Variants in KLF5 observed in about 807,000 individuals in gnomAD.
KLF5 encodes the protein Krueppel-like factor 5.
KLF5 carries 9 observed loss-of-function variants against 36.9 expected under a neutral mutation model. The observed-to-expected ratio is 0.24, with a 90% CI of 0.15 to 0.43. The LOEUF (loss-of-function observed/expected upper bound fraction) is 0.43. Ranked by LOEUF, KLF5 falls within the 20% of genes least tolerant of loss-of-function variation. The pLI, the probability that KLF5 is intolerant of heterozygous loss-of-function variation, is 1.00. For missense variants in KLF5, 524 were observed against 599.5 expected (o/e 0.87, Z 1.31); for synonymous variants, 246 against 241.7 (o/e 1.02, Z -0.17).
At position 73,075,209 on chromosome 13, in the gene KLF5, G is replaced by A. The variant is rs149377673; in HGVS notation, c.1196-499G>A. 4.0e-3 allele frequency: 606 copies of A among 152,408 alleles called. 4 individuals carry two copies. Among genetic ancestry groups the A allele is most frequent in the Middle Eastern group, 0.014 (4 of 294 alleles). The allele number at this position is 152,408 out of a possible 1,614,324, so 9.4% of individuals were successfully genotyped here. On this transcript the variant is annotated intron_variant, in intron 3 of 3. Transcript: ENST00000377687. Reference sequence around the variant, plus strand: ...TCTAGGACCAGTTTCTGGTTAAGCAGTTGTGGTACATGAAATTCAATGTAT... The same window carrying A: ...TCTAGGACCAGTTTCTGGTTAAGCAATTGTGGTACATGAAATTCAATGTAT...
chr13:73,058,771 G>A (rs1023265252), upstream of KLF5: 1 of 152,424 alleles, frequency 6.6e-6, no homozygotes, highest in Non-Finnish European at 1.5e-5. Flanking sequence ...CAATCTGTCA[G>A]AGAAGTTGTG....
upstream of KLF5, among the ~76,000 whole-genome samples, chr13:73,057,072 T>G (rs1180259744): frequency 1.3e-5 from 2 of 151,986 alleles, no homozygotes; most frequent in African/African-American, 4.8e-5. Flanking sequence ...CCACTGAAGC[T>G]CTCGTAAAAA....
Position 73,062,100 on chromosome 13 carries a change from C to T in KLF5, c.501C>T (p.Ala167=). The T allele has an allele frequency of 1.2e-6, 2 of 1,613,974 alleles. No homozygotes were observed. Among genetic ancestry groups the T allele is most frequent in the African/African-American group, 1.3e-5 (1 of 75,016 alleles). ...CVTHIKTEPV[A]IFSHQSETTA... ...CACACATCAAGACAGAACCTGTTGC[C>T]ATTTTCAGCCACCAGAGTGAAACGA... Residue 167 remains alanine, a synonymous_variant, in exon 2 of 4, where the codon GCC becomes GCT. Coordinates refer to ENST00000377687, the MANE Select transcript of KLF5 (RefSeq NM_001730.5).
At chr13:73,064,624 A>G (rs961915759) in intron 3 of KLF5, among the ~76,000 whole-genome samples, 1 of 152,070 alleles carries the variant, frequency 6.6e-6, no homozygotes, top group Non-Finnish European at 1.5e-5. Flanking sequence ...GTTCACTGCA[A>G]CCTCTGCCTC....
intron 3 of KLF5, among the ~76,000 whole-genome samples, chr13:73,072,233 A>T (rs906060405): frequency 2.6e-5 from 4 of 152,182 alleles, no homozygotes; most frequent in African/African-American, 9.7e-5. Context: ...GGGGGGAAAA[A>T]AAAGGACAAT....
chr13:73,064,954 A>G (rs1362484437), intron 3 of KLF5, among the ~76,000 whole-genome samples: 1 of 152,262 alleles, frequency 6.6e-6, no homozygotes, highest in African/African-American at 2.4e-5. Context: ...TCAAATATAT[A>G]GATGGTTACT....
In KLF5 at chr13:73,077,207, TAGTA is replaced by T. The variant is rs1417770031; in HGVS notation, c.*1325_*1328del. On this transcript the variant is annotated 3_prime_UTR_variant, in exon 4 of 4. Coordinates refer to ENST00000377687, the MANE Select transcript of KLF5 (RefSeq NM_001730.5). ...TATCTTTATTTATTTTGTGGTAATA[TAGTA>T]AGTTTTTTTAGAAGACAATTTTCAT... 2.6e-5 allele frequency: 4 copies of T among 152,650 alleles called. No homozygotes were observed. The highest frequency in any genetic ancestry group is 4.8e-5 in the African/African-American group (2 of 41,452). The allele number at this position is 152,650 out of a possible 1,614,324, so 9.5% of individuals were successfully genotyped here.
chr13:73,073,375 C>G (rs1330011439), intron 3 of KLF5, among the ~76,000 whole-genome samples: 1 of 152,186 alleles, frequency 6.6e-6, no homozygotes, highest in Non-Finnish European at 1.5e-5. Flanking sequence ...TGGCTGAATA[C>G]TCTATAGATG....
At chr13:73,070,109 AAAC>A (rs2044712078) in intron 3 of KLF5, among the ~76,000 whole-genome samples, 1 of 152,206 alleles carries the variant, frequency 6.6e-6, no homozygotes, top group Non-Finnish European at 1.5e-5. Context: ...CAAGGATCTC[AAAC>A]AACAACTCTT....
chr13:73,071,522 T>G (rs1566566284), intron 3 of KLF5, among the ~76,000 whole-genome samples: 2 of 152,116 alleles, frequency 1.3e-5, no homozygotes, highest in Non-Finnish European at 2.9e-5. Context: ...AAATATGAAT[T>G]AGTGAGCTAA....
Position 73,070,141 on chromosome 13 carries a change from T to G in KLF5, c.1196-5567T>G, listed in dbSNP as rs188354909. ...AACTCTTATTAAGGATAAGTTACAG[T>G]TTTAGAAGTGCACAGTAGGTAACTT... On this transcript the variant is annotated intron_variant, in intron 3 of 3. Coordinates refer to ENST00000377687, the MANE Select transcript of KLF5 (RefSeq NM_001730.5). Among the ~76,000 whole-genome samples the G allele has an allele frequency of 2.1e-4, 32 of 152,304 alleles. 1 individual carries two copies. The highest frequency in any genetic ancestry group is 1.8e-3 in the Admixed American group (28 of 15,300).
At chr13:73,065,527 A>G (rs1207185576) in intron 3 of KLF5, among the ~76,000 whole-genome samples, 1 of 152,186 alleles carries the variant, frequency 6.6e-6, no homozygotes, top group Admixed American at 6.5e-5. Context: ...ACATAAGAGG[A>G]AGGATCCTTC....
chr13:73,073,321 G>C (rs1296676560), intron 3 of KLF5, among the ~76,000 whole-genome samples: 1 of 152,206 alleles, frequency 6.6e-6, no homozygotes, highest in Non-Finnish European at 1.5e-5. Flanking sequence ...TTTATGGTAA[G>C]ACTTGGCCCC....
chr13:73,069,384 G>A (rs1300205566), intron 3 of KLF5, among the ~76,000 whole-genome samples: 2 of 152,170 alleles, frequency 1.3e-5, no homozygotes, highest in Non-Finnish European at 2.9e-5. Context: ...TTTTTTGCAG[G>A]AAGAGATTTA....
chr13:73,063,708 A>G (rs907974977), intron 2 of KLF5, 116 bp from the exon 3 acceptor site: 5 of 688,302 alleles, frequency 7.3e-6, no homozygotes, highest in Admixed American at 2.7e-5. Context: ...AGCTTCAAAT[A>G]ATCTCATCTA....
chr13:73,062,772 A>AGTGTGTGTGTGT, intron 2 of KLF5, 38 bp downstream of exon 2: 4 of 1,438,760 alleles, frequency 2.8e-6, no homozygotes, highest in Non-Finnish European at 3.8e-6. Context: ...CAATAGATGT[A>AGTGTGTGTGTGT]GTGTGTGTGT....
intron 1 of KLF5, among the ~76,000 whole-genome samples, chr13:73,060,932 C>T (rs1292883805): frequency 6.6e-6 from 1 of 152,076 alleles, no homozygotes; most frequent in African/African-American, 2.4e-5. Context: ...TTCAGTTTGT[C>T]AATTTTCTGC....
Position 73,062,770 on chromosome 13 carries a change from G to C in KLF5, c.1135+36G>C, listed in dbSNP as rs1322074665. ...TTACCTGGTTGAAGCATCAATAGAT[G>C]TAGTGTGTGTGTGTGTGTGTCTGTG... On this transcript the variant is annotated intron_variant, in intron 2 of 3. Transcript: ENST00000377687. The C allele has an allele frequency of 2.1e-6, 3 of 1,425,630 alleles. No individual in the cohort carries two copies. The African/African-American group carries it at 4.3e-5, about 20-fold the overall frequency. The allele number at this position is 1,425,630 out of a possible 1,614,324, so 88.3% of individuals were successfully genotyped here.
chr13:73,068,556 TAGTC>T (rs1050138584), intron 3 of KLF5, among the ~76,000 whole-genome samples: 8 of 150,732 alleles, frequency 5.3e-5, no homozygotes, highest in Non-Finnish European at 1.0e-4. Context: ...ATACAAAAAT[TAGTC>T]AGGCGTGGTG....
Sources: allele counts gnomAD v4.1 joint callset (sites outside exome capture counted in the v4.1 genomes callset), GRCh38; gene constraint gnomAD v4.1.1; transcripts MANE v1.5; gene names NCBI Gene and HGNC (gene_info 2026-07-23, HGNC 2026-07-21).